NLGN1: variants seen among roughly 807,000 people sequenced by gnomAD.
NLGN1 encodes the protein neuroligin 1.
A neutral mutation model predicts 65.5 loss-of-function variants in NLGN1; 12 were observed. The observed-to-expected ratio is 0.18, with a 90% CI of 0.12 to 0.30. The LOEUF (loss-of-function observed/expected upper bound fraction) is 0.30. NLGN1 is among the 10% of genes least tolerant of loss of function. The pLI, the probability that NLGN1 is intolerant of heterozygous loss-of-function variation, is 1.00. For synonymous variants in NLGN1, 350 were observed against 359.5 expected (o/e 0.97, Z 0.30); for missense variants, 750 against 1,007.1 (o/e 0.74, Z 3.46).
At chr3:174,161,057 T>G (rs1577156010) in intron 4 of NLGN1, among the ~76,000 whole-genome samples, 1 of 152,000 alleles carries the variant, frequency 6.6e-6, no homozygotes, top group Non-Finnish European at 1.5e-5. Context: ...TCTATAGTCA[T>G]TTCTGTTTTC....
chr3:173,545,797 A>G (rs1287990619), intron 2 of NLGN1, among the ~76,000 whole-genome samples: 6 of 152,136 alleles, frequency 3.9e-5, no homozygotes, highest in African/African-American at 1.4e-4. Flanking sequence ...CTTTGCAGGG[A>G]TATGGATGAA....
chr3:173,558,933 TTTCTC>T (rs2149288663), intron 2 of NLGN1, among the ~76,000 whole-genome samples: 1 of 152,312 alleles, frequency 6.6e-6, no homozygotes, highest in South Asian at 2.1e-4. Context: ...GGTAAGCTCT[TTTCTC>T]TTCCTGGTGG....
intron 4 of NLGN1, among the ~76,000 whole-genome samples, chr3:173,967,726 C>G (rs1715196662): frequency 6.6e-6 from 1 of 152,132 alleles, no homozygotes. Flanking sequence ...TATTCTGTCT[C>G]TGAACTTATC....
intron 4 of NLGN1, among the ~76,000 whole-genome samples, chr3:174,078,065 A>C (rs542647486): frequency 2.0e-5 from 3 of 152,296 alleles, no homozygotes; most frequent in Admixed American, 1.3e-4. Context: ...CAGAAGAAAA[A>C]AATCTCAATA....
At chr3:173,416,546 A>G (rs1713834167) in intron 1 of NLGN1, among the ~76,000 whole-genome samples, 1 of 152,168 alleles carries the variant, frequency 6.6e-6, no homozygotes, top group South Asian at 2.1e-4. Flanking sequence ...TCCGTGTTTC[A>G]GTTAGTTCAG....
intron 1 of NLGN1, among the ~76,000 whole-genome samples, chr3:173,408,146 G>A (rs902767855): frequency 1.3e-5 from 2 of 151,940 alleles, no homozygotes; most frequent in African/African-American, 4.8e-5. Flanking sequence ...CCTACATATG[G>A]TTCTCTAGCC....
intron 4 of NLGN1, among the ~76,000 whole-genome samples, chr3:174,033,426 G>A (rs1265658470): frequency 6.6e-6 from 1 of 152,082 alleles, no homozygotes; most frequent in Non-Finnish European, 1.5e-5. Flanking sequence ...AACTTACAAT[G>A]TATGCCTAAA....
intron 3 of NLGN1, among the ~76,000 whole-genome samples, chr3:173,712,234 GTAAGTA>G (rs1415962697): frequency 6.6e-6 from 1 of 152,072 alleles, no homozygotes; most frequent in African/African-American, 2.4e-5. Context: ...ACTCAGTGAG[GTAAGTA>G]TTGTACTTGG....
chr3:173,880,567 T>A (rs1326111774), intron 4 of NLGN1, among the ~76,000 whole-genome samples: 2 of 151,016 alleles, frequency 1.3e-5, no homozygotes, highest in African/African-American at 2.4e-5. Flanking sequence ...AATATAAGTA[T>A]GTTTAAAAAT....
At chr3:174,071,790 C>G (rs1033941314) in intron 4 of NLGN1, among the ~76,000 whole-genome samples, 8 of 151,032 alleles carry the variant, frequency 5.3e-5, no homozygotes, top group African/African-American at 1.9e-4. Context: ...AAGAAATATT[C>G]TCAGTTCATT....
chr3:173,679,495 A>G (rs1763642467), intron 3 of NLGN1, among the ~76,000 whole-genome samples: 2 of 152,214 alleles, frequency 1.3e-5, no homozygotes, highest in South Asian at 4.1e-4. Context: ...AAGACTGAGA[A>G]GCTAGAAAAT....
At chr3:173,806,649 A>C (rs1181975785) in intron 3 of NLGN1, among the ~76,000 whole-genome samples, 1 of 152,132 alleles carries the variant, frequency 6.6e-6, no homozygotes, top group Non-Finnish European at 1.5e-5. Flanking sequence ...TAATACGTAG[A>C]TAGAACTATG....
chr3:173,794,006 C>T (rs1713414740), intron 3 of NLGN1, among the ~76,000 whole-genome samples: 1 of 152,042 alleles, frequency 6.6e-6, no homozygotes, highest in Non-Finnish European at 1.5e-5. Flanking sequence ...CTTTTCTACT[C>T]CTTGTATGCC....
chr3:173,764,069 C>T (rs1168145363), intron 3 of NLGN1, among the ~76,000 whole-genome samples: 5 of 152,262 alleles, frequency 3.3e-5, no homozygotes, highest in African/African-American at 9.6e-5. Context: ...TGGGCATGAT[C>T]ACTCTTTGAA....
intron 4 of NLGN1, among the ~76,000 whole-genome samples, chr3:173,868,357 A>G (rs1349744134): frequency 1.3e-5 from 2 of 152,220 alleles, no homozygotes. Flanking sequence ...CTATATCGAT[A>G]TAATTCAGAG....
intron 4 of NLGN1, among the ~76,000 whole-genome samples, chr3:174,022,085 C>T (rs970534122): frequency 6.6e-6 from 1 of 151,920 alleles, no homozygotes; most frequent in African/African-American, 2.4e-5. Flanking sequence ...ATCTGTGCTA[C>T]TTTACCAAAT....
intron 4 of NLGN1, among the ~76,000 whole-genome samples, chr3:173,827,441 T>A (rs1721565195): frequency 6.6e-6 from 1 of 151,606 alleles, no homozygotes; most frequent in East Asian, 1.9e-4. Flanking sequence ...TGAGGATGAG[T>A]CAGTTGGCCA....
intron 2 of NLGN1, among the ~76,000 whole-genome samples, chr3:173,598,278 C>G (rs1007704484): frequency 1.3e-5 from 2 of 152,160 alleles, no homozygotes; most frequent in African/African-American, 4.8e-5. Context: ...ATCTACCTTC[C>G]CAGGAACACT....
At chr3:173,700,693 T>C (rs1457046191) in intron 3 of NLGN1, among the ~76,000 whole-genome samples, 1 of 152,250 alleles carries the variant, frequency 6.6e-6, no homozygotes, top group Non-Finnish European at 1.5e-5. Flanking sequence ...TCATATTTTA[T>C]TTTTTAATGT....
Sources: gnomAD v4.1 joint callset for allele counts (sites outside exome capture counted in the v4.1 genomes callset) on GRCh38, gnomAD v4.1.1 for gene constraint, MANE v1.5 for transcripts, NCBI Gene and HGNC (gene_info 2026-07-23, HGNC 2026-07-21) for gene names.